Variants in FNIP2 observed in about 807,000 individuals in gnomAD.
FNIP2 encodes the protein folliculin interacting protein 2.
FNIP2 carries 32 observed loss-of-function variants against 108.7 expected under a neutral mutation model. The ratio of observed to expected loss-of-function variants is 0.29; its 90% CI spans 0.22 to 0.40. The LOEUF is 0.40. FNIP2 is among the 10% of genes least tolerant of loss of function. The pLI, the probability that FNIP2 is intolerant of heterozygous loss-of-function variation, is 1.00. For missense variants in FNIP2, 1,202 were observed against 1,381.6 expected (o/e 0.87, Z 2.06); for synonymous variants, 480 against 496.7 (o/e 0.97, Z 0.45).
intron 6 of FNIP2, chr4:158,834,442 T>G (rs965722653): frequency 1.3e-4 from 20 of 152,282 alleles, no homozygotes; most frequent in Admixed American, 4.6e-4. Context: ...GAACCTCCAT[T>G]ACTAACATTT....
chr4:158,784,462 A>G (rs1776151043), intron 1 of FNIP2, among the ~76,000 whole-genome samples: 1 of 152,230 alleles, frequency 6.6e-6, no homozygotes, highest in Non-Finnish European at 1.5e-5. Flanking sequence ...CAAGCACATT[A>G]CATTTATTGT....
chr4:158,833,942 G>T, intron 6 of FNIP2: 5 of 1,177,350 alleles, frequency 4.2e-6, no homozygotes, highest in Non-Finnish European at 5.5e-6. Context: ...AATAAATCCT[G>T]TGCAGGTTCT....
chr4:158,896,995 A>G (rs1579001833), intron 16 of FNIP2, among the ~76,000 whole-genome samples: 1 of 145,002 alleles, frequency 6.9e-6, no homozygotes, highest in Admixed American at 6.9e-5. Context: ...TCCCACCCCC[A>G]GCCCCCCACC....
chr4:158,884,978 TA>T (rs34333695), intron 14 of FNIP2, among the ~76,000 whole-genome samples: 39,106 of 120,172 alleles, frequency 0.33, 5,889 homozygotes, highest in Non-Finnish European at 0.4. Context: ...CTACCTCTGC[TA>T]AAAAAAAAAA....
chr4:158,799,314 T>C (rs185491996), intron 1 of FNIP2, among the ~76,000 whole-genome samples: 33 of 152,360 alleles, frequency 2.2e-4, no homozygotes, highest in Admixed American at 1.1e-3. Context: ...GAGCTGGAGA[T>C]AGCCAAGAGT....
intron 7 of FNIP2, chr4:158,835,914 T>G (rs952684231): frequency 5.2e-5 from 8 of 153,010 alleles, no homozygotes; most frequent in Non-Finnish European, 1.2e-4. Context: ...TCAGGTACCC[T>G]TCTCTCCTTG....
intron 8 of FNIP2, among the ~76,000 whole-genome samples, chr4:158,852,334 G>A (rs1779745123): frequency 6.6e-6 from 1 of 152,202 alleles, no homozygotes; most frequent in African/African-American, 2.4e-5. Context: ...GCACATGTCA[G>A]GTGGCTTGCC....
At chr4:158,841,809 A>G (rs979516996) in intron 7 of FNIP2, among the ~76,000 whole-genome samples, 1 of 152,246 alleles carries the variant, frequency 6.6e-6, no homozygotes, top group African/African-American at 2.4e-5. Flanking sequence ...TGCAGTCTAG[A>G]ACTGACTCCC....
At chr4:158,844,813 T>C (rs1360262686) in intron 7 of FNIP2, among the ~76,000 whole-genome samples, 1 of 152,240 alleles carries the variant, frequency 6.6e-6, no homozygotes, top group Non-Finnish European at 1.5e-5. Flanking sequence ...TAGCAAAAAT[T>C]TTTTTTCAGA....
chr4:158,872,065 A>G, intron 14 of FNIP2: 1 of 984,304 alleles, frequency 1.0e-6, no homozygotes, highest in South Asian at 4.7e-5. Flanking sequence ...TGGTTATTGG[A>G]CCTTCCTTCC....
intron 1 of FNIP2, among the ~76,000 whole-genome samples, chr4:158,817,033 A>G (rs1370694410): frequency 2.0e-5 from 3 of 152,252 alleles, no homozygotes; most frequent in South Asian, 2.1e-4. Context: ...GAATCTCACT[A>G]TATTGCTCAA....
intron 1 of FNIP2, among the ~76,000 whole-genome samples, chr4:158,806,663 A>AT (rs1021834000): frequency 3.3e-5 from 5 of 152,124 alleles, no homozygotes; most frequent in African/African-American, 1.2e-4. Flanking sequence ...TCTTCTTTTC[A>AT]TTACCTCTAC....
At chr4:158,898,174 T>A (rs1006084541) in intron 16 of FNIP2, among the ~76,000 whole-genome samples, 1 of 152,168 alleles carries the variant, frequency 6.6e-6, no homozygotes, top group African/African-American at 2.4e-5. Context: ...TTCTGAGGCC[T>A]CAGTTCTGTT....
chr4:158,871,572 A>G (rs2126713191), intron 14 of FNIP2: 3 of 985,308 alleles, frequency 3.0e-6, no homozygotes, highest in East Asian at 2.3e-4. Flanking sequence ...ACCTCCCTCA[A>G]TGGGGAGGGC....
In FNIP2 at chr4:158,859,284, A is replaced by G. The variant is rs573821947; in HGVS notation, c.1059+26A>G. 6.2e-4 allele frequency: 976 copies of G among 1,571,234 alleles called. No individual in the cohort carries two copies. The highest frequency in any genetic ancestry group is 8.2e-4 in the Non-Finnish European group (953 of 1,155,162). On this transcript the variant is annotated intron_variant, in intron 9 of 16. Coordinates refer to ENST00000264433, the MANE Select transcript of FNIP2 (RefSeq NM_020840.3). ...GTAATAAGGATGTAATCCAAAGTCAAATAGAGAAGTGATTGTGGGGCTTTG... is the reference window on the plus strand; with the variant it reads ...GTAATAAGGATGTAATCCAAAGTCAGATAGAGAAGTGATTGTGGGGCTTTG...
Position 158,869,186 on chromosome 4 carries a change from G to C in FNIP2, c.2550G>C (p.Leu850=). 1.9e-6 allele frequency: 3 copies of C among 1,614,056 alleles called. No homozygotes were observed. Among genetic ancestry groups the C allele is most frequent in the Non-Finnish European group, 2.5e-6 (3 of 1,179,900 alleles). Residue 850 remains leucine (L), a synonymous_variant, in exon 13 of 17, where the codon CTG becomes CTC. Transcript: ENST00000264433. ...LYVKAAEGPV[L]EPVAPRCVQR... is the part of the protein sequence containing the mutation. ...TGAAGGCTGCGGAAGGACCTGTGCT[G>C]GAGCCTGTTGCCCCCAGGTGTGTCC...
At position 158,906,575 on chromosome 4, in the gene FNIP2, T is replaced by A. The variant is rs1729862305; in HGVS notation, c.*2031T>A. The A allele has an allele frequency of 1.3e-5, 2 of 152,176 alleles. No homozygotes were observed. The highest frequency in any genetic ancestry group is 4.8e-5 in the African/African-American group (2 of 41,452). The allele number at this position is 152,176 out of a possible 1,614,324, so 9.4% of individuals were successfully genotyped here. A position where few individuals can be genotyped will look rare whatever the true frequency, so the allele number is the denominator to read the frequency against. ...AAGCCTGAGAAAATTTAATTTGCTC[T>A]TAATTTAATGTTCCAAAACTCACTC... is the stretch of plus-strand genomic sequence containing the variant. On this transcript the variant is annotated 3_prime_UTR_variant, in exon 17 of 17. Transcript: ENST00000264433.
rs1780168547 is a variant in FNIP2 at position 158,859,561 on chromosome 4, C to T, written c.1060-17C>T. 2 of 1,603,398 alleles carry T rather than the reference C, an allele frequency of 1.2e-6. No homozygotes were observed. The highest frequency in any genetic ancestry group is 2.2e-5 in the South Asian group (2 of 89,586). On this transcript the variant is annotated splice_polypyrimidine_tract_variant and intron_variant, in intron 9 of 16. Transcript: ENST00000264433. ...AATTTCTTCTCAGTAATTTGACTTG[C>T]TTTCTCTTCAATAAAGGCTATGATC...
chr4:158,889,037 T>C (rs1782157795), intron 14 of FNIP2, among the ~76,000 whole-genome samples: 1 of 151,912 alleles, frequency 6.6e-6, no homozygotes. Context: ...AAAAACGTTT[T>C]TTTTAATTAG....
Sources: gnomAD v4.1 joint callset for allele counts (sites outside exome capture counted in the v4.1 genomes callset) on GRCh38, gnomAD v4.1.1 for gene constraint, MANE v1.5 for transcripts, NCBI Gene and HGNC (gene_info 2026-07-23, HGNC 2026-07-21) for gene names.